PCYT1B: variants seen among roughly 807,000 people sequenced by gnomAD.
PCYT1B encodes the protein phosphate cytidylyltransferase 1B, choline.
Under a neutral mutation model 26.4 loss-of-function variants are expected in PCYT1B, and 10 were observed. The ratio of observed to expected loss-of-function variants is 0.38; its 90% CI spans 0.23 to 0.64. The LOEUF is 0.64. Ranked by LOEUF, PCYT1B falls within the 30% of genes least tolerant of loss-of-function variation. The pLI, the probability that PCYT1B is intolerant of heterozygous loss-of-function variation, is 0.56. For missense variants in PCYT1B, 161 were observed against 292.7 expected, an observed-to-expected ratio of 0.55 and a Z score of 3.28; for synonymous variants, 131 against 108.4, an observed-to-expected ratio of 1.21 and a Z score of -1.29.
intron 2 of PCYT1B, among the ~76,000 whole-genome samples, chrX:24,608,894 T>C (rs1396292983): frequency 8.9e-6 from 1 of 112,101 alleles, no homozygotes; most frequent in Non-Finnish European, 1.9e-5. Flanking sequence ...CATGATACTC[T>C]GGAAGATGCC....
intron 1 of PCYT1B, among the ~76,000 whole-genome samples, chrX:24,637,804 C>T (rs1055722986): frequency 3.6e-5 from 4 of 109,729 alleles, no homozygotes; most frequent in Non-Finnish European, 7.6e-5. Context: ...GAGCATTCAA[C>T]ACAGTGCCCA....
upstream of PCYT1B, among the ~76,000 whole-genome samples, chrX:24,651,490 T>A (rs866369699): frequency 0.014 from 1,031 of 72,950 alleles, 67 homozygotes; most frequent in Non-Finnish European, 0.018. Flanking sequence ...TATATATATA[T>A]ATATATATAT....
chrX:24,660,198 T>C (rs982233424), intron 1 of PCYT1B, among the ~76,000 whole-genome samples: 1 of 112,169 alleles, frequency 8.9e-6, no homozygotes, highest in Non-Finnish European at 1.9e-5. Flanking sequence ...ACATGGATTT[T>C]GACCCCAAAA....
At chrX:24,663,528 A>T (rs1417677768) in intron 1 of PCYT1B, among the ~76,000 whole-genome samples, 3 of 112,565 alleles carry the variant, frequency 2.7e-5, no homozygotes, top group African/African-American at 9.7e-5. Flanking sequence ...TATCTGGACA[A>T]GTAATTTTGA....
intron 1 of PCYT1B, among the ~76,000 whole-genome samples, chrX:24,643,834 A>C (rs1238697077): frequency 1.8e-5 from 2 of 112,166 alleles, no homozygotes; most frequent in Admixed American, 1.9e-4. Flanking sequence ...TGCCCTCTGA[A>C]GGAGAATCCA....
At chrX:24,597,313 C>T (rs1206126256) in intron 3 of PCYT1B, among the ~76,000 whole-genome samples, 1 of 110,301 alleles carries the variant, frequency 9.1e-6, no homozygotes, top group African/African-American at 3.3e-5. Flanking sequence ...TTAGTAGAGA[C>T]GGGGTTTCAC....
chrX:24,570,350 T>A (rs921216131), intron 7 of PCYT1B, among the ~76,000 whole-genome samples: 3 of 107,307 alleles, frequency 2.8e-5, no homozygotes, highest in African/African-American at 1.0e-4. Flanking sequence ...GCCTCCCGGG[T>A]TCAAGTGATT....
At chrX:24,640,582 C>T (rs1926435569) in intron 1 of PCYT1B, among the ~76,000 whole-genome samples, 1 of 111,479 alleles carries the variant, frequency 9.0e-6, no homozygotes, top group Non-Finnish European at 1.9e-5. Flanking sequence ...GATAGGATGG[C>T]TCAGGGTCAG....
rs1316930371 is a variant in PCYT1B, at chrX:24,606,029, G to C, written c.334+1716C>G. ...AGATCATGCCATTGTGCTCCAGCCT[G>C]GGTGACAGAGCAAGACTCCATCTCA... On this transcript the variant is annotated intron_variant, in intron 3 of 7. Coordinates refer to ENST00000379144, the MANE Select transcript of PCYT1B (RefSeq NM_004845.5). 3.0e-5 allele frequency among the ~76,000 whole-genome samples: 3 copies of C among 99,514 alleles called. No individual in the cohort carries two copies. The East Asian group carries it at 9.4e-4, about 31-fold the overall frequency. 86.4% of individuals were successfully genotyped at this position (99,514 alleles called of 115,157 possible). A position where few individuals can be genotyped will look rare whatever the true frequency, so the allele number is the denominator to read the frequency against.
intron 3 of PCYT1B, among the ~76,000 whole-genome samples, chrX:24,592,827 T>C (rs1292246043): frequency 8.9e-6 from 1 of 111,920 alleles, no homozygotes; most frequent in Non-Finnish European, 1.9e-5. Flanking sequence ...CCTTGCACTA[T>C]TCTCCAAACC....
At chrX:24,648,594 T>A (rs1191504283), upstream of PCYT1B, among the ~76,000 whole-genome samples, 2 of 108,524 alleles carry the variant, frequency 1.8e-5, no homozygotes, top group African/African-American at 6.8e-5. Flanking sequence ...ACATCTTTCA[T>A]TTTTATCTAC....
intron 3 of PCYT1B, among the ~76,000 whole-genome samples, chrX:24,599,545 C>T (rs1924893895): frequency 8.9e-6 from 1 of 111,878 alleles, no homozygotes; most frequent in African/African-American, 3.2e-5. Context: ...TTAAGAGATA[C>T]ATTGCTGTCC....
intron 4 of PCYT1B, 129 bp downstream of exon 4, chrX:24,589,894 T>C (rs1378978445): frequency 1.9e-6 from 1 of 520,664 alleles, no homozygotes; most frequent in Non-Finnish European, 3.0e-6. Context: ...CATCAAGCAG[T>C]TCCACATGAC....
At chrX:24,604,821 A>T (rs1016070529) in intron 3 of PCYT1B, among the ~76,000 whole-genome samples, 1 of 111,649 alleles carries the variant, frequency 9.0e-6, no homozygotes, top group Non-Finnish European at 1.9e-5. Context: ...AGTCCTTGTC[A>T]CTTACCAAAG....
intron 1 of PCYT1B, among the ~76,000 whole-genome samples, chrX:24,646,430 C>T (rs183784875): frequency 2.1e-3 from 236 of 111,589 alleles, no homozygotes; most frequent in African/African-American, 7.3e-3. Context: ...TTTTACAATT[C>T]GTTTTAAATG....
At chrX:24,637,509 T>TATATATATATATAAATAA (rs779316769) in intron 1 of PCYT1B, among the ~76,000 whole-genome samples, 13 of 64,068 alleles carry the variant, frequency 2.0e-4, no homozygotes, top group African/African-American at 1.2e-3. Flanking sequence ...TATATATATA[T>TATATATATATATAAATAA]ATAAATTAGC....
chrX:24,658,506 C>CTTTTTT (rs1203809740), intron 1 of PCYT1B, among the ~76,000 whole-genome samples: 16 of 58,823 alleles, frequency 2.7e-4, no homozygotes, highest in Middle Eastern at 9.2e-3. Context: ...TGTTTCATTG[C>CTTTTTT]TTTTTTTTTT....
rs1325132675 is a variant in PCYT1B, at chrX:24,560,187, C to T, written c.*2106G>A. The T allele has an allele frequency of 8.9e-6, 1 of 111,880 alleles. No homozygotes were observed. The highest frequency in any genetic ancestry group is 3.3e-5 in the African/African-American group (1 of 30,728). The allele number at this position is 111,880 out of a possible 1,213,427, so 9.2% of individuals were successfully genotyped here. On this transcript the variant is annotated 3_prime_UTR_variant, in exon 8 of 8. Transcript: ENST00000379144. ...AAAGGCCTTCCCAAGAGAGTCTCAC[C>T]TGTAAAGTGAGGTCCTGAAATGGTT... is the stretch of plus-strand genomic sequence containing the variant.
At chrX:24,587,157 A>T in intron 5 of PCYT1B, 84 bp downstream of exon 5, 1 of 656,533 alleles carries the variant, frequency 1.5e-6, no homozygotes, top group Non-Finnish European at 2.5e-6. Context: ...TATACACTGC[A>T]GATGTCCCAG....
Sources: gnomAD v4.1 joint callset for allele counts (sites outside exome capture counted in the v4.1 genomes callset) on GRCh38, gnomAD v4.1.1 for gene constraint, MANE v1.5 for transcripts, NCBI Gene and HGNC (gene_info 2026-07-23, HGNC 2026-07-21) for gene names.